Variants in KLF12 observed in about 807,000 individuals in gnomAD.
KLF12 encodes the protein Krueppel-like factor 12.
A neutral mutation model predicts 37.8 loss-of-function variants in KLF12; 9 were observed. The observed-to-expected ratio is 0.24, with a 90% CI of 0.14 to 0.42. The LOEUF (loss-of-function observed/expected upper bound fraction) is 0.42. Ranked by LOEUF, KLF12 falls within the 10% of genes least tolerant of loss-of-function variation. The pLI, the probability that KLF12 is intolerant of heterozygous loss-of-function variation, is 1.00. For synonymous variants in KLF12, 208 were observed against 202.1 expected (o/e 1.03, Z -0.25); for missense variants, 411 against 516.0 (o/e 0.80, Z 1.97).
intron 3 of KLF12, among the ~76,000 whole-genome samples, chr13:73,941,128 T>TATACATTCCAA (rs1293924164): frequency 6.6e-6 from 1 of 152,234 alleles, no homozygotes; most frequent in Non-Finnish European, 1.5e-5. Context: ...AAACTAGGTT[T>TATACATTCCAA]TTCAGAGTGA....
At chr13:73,939,505 T>TA (rs1249903697) in intron 3 of KLF12, among the ~76,000 whole-genome samples, 1 of 152,034 alleles carries the variant, frequency 6.6e-6, no homozygotes, top group African/African-American at 2.4e-5. Flanking sequence ...AAATTCAAAT[T>TA]AAAAAAAGAG....
At chr13:73,785,779 G>A (rs1404495865) in intron 5 of KLF12, among the ~76,000 whole-genome samples, 1 of 152,110 alleles carries the variant, frequency 6.6e-6, no homozygotes, top group African/African-American at 2.4e-5. Flanking sequence ...TCTAAAGGAG[G>A]TGGTTGGCAT....
At chr13:74,087,014 T>C (rs999249194) in intron 1 of KLF12, among the ~76,000 whole-genome samples, 2 of 151,678 alleles carry the variant, frequency 1.3e-5, no homozygotes, top group Non-Finnish European at 2.9e-5. Context: ...GTGGCAGAGG[T>C]GGAAATATAT....
At chr13:73,738,653 T>C (rs898685336) in intron 6 of KLF12, among the ~76,000 whole-genome samples, 1 of 152,152 alleles carries the variant, frequency 6.6e-6, no homozygotes, top group African/African-American at 2.4e-5. Flanking sequence ...ATAGAATCTA[T>C]GCATGCTGAG....
the KLF12 span, among the ~76,000 whole-genome samples, chr13:74,270,090 T>G: frequency 6.6e-6 from 1 of 152,186 alleles, no homozygotes; most frequent in Non-Finnish European, 1.5e-5. Context: ...TTGTATAACA[T>G]AAAACTTGGT....
At chr13:74,288,187 AC>A in the KLF12 span, among the ~76,000 whole-genome samples, 3 of 152,252 alleles carry the variant, frequency 2.0e-5, no homozygotes, top group Non-Finnish European at 4.4e-5. Flanking sequence ...TTTGAGAGTT[AC>A]CGCAAAAGAA....
At chr13:73,985,541 C>G (rs1296555808) in intron 2 of KLF12, among the ~76,000 whole-genome samples, 3 of 152,156 alleles carry the variant, frequency 2.0e-5, no homozygotes, top group Non-Finnish European at 2.9e-5. Context: ...GTCCCAAACC[C>G]CAGACTCTGT....
At chr13:74,273,247 T>G in the KLF12 span, among the ~76,000 whole-genome samples, 8 of 152,196 alleles carry the variant, frequency 5.3e-5, no homozygotes, top group South Asian at 2.1e-4. Context: ...TGAGGATATT[T>G]GAAGTTTATT....
chr13:74,086,570 T>A (rs1275750044), intron 1 of KLF12, among the ~76,000 whole-genome samples: 6 of 152,014 alleles, frequency 3.9e-5, no homozygotes, highest in African/African-American at 1.5e-4. Context: ...TGGGTAGGAG[T>A]TGATGATCAC....
chr13:73,886,850 G>A (rs1268848465), intron 3 of KLF12, among the ~76,000 whole-genome samples: 2 of 151,950 alleles, frequency 1.3e-5, no homozygotes, highest in Admixed American at 6.6e-5. Context: ...ACATTAGCTG[G>A]GCGTGGTGGC....
chr13:73,827,664 G>C (rs1883924851), intron 4 of KLF12, among the ~76,000 whole-genome samples: 1 of 152,202 alleles, frequency 6.6e-6, no homozygotes, highest in South Asian at 2.1e-4. Flanking sequence ...CCAGGTTCAA[G>C]TGATTCTCCT....
At chr13:73,877,410 T>C (rs2138921908) in intron 3 of KLF12, among the ~76,000 whole-genome samples, 1 of 152,350 alleles carries the variant, frequency 6.6e-6, no homozygotes, top group East Asian at 1.9e-4. Context: ...TTGGAATCTT[T>C]TAGCTGAATG....
At chr13:74,039,420 C>T (rs1046345008) in intron 1 of KLF12, among the ~76,000 whole-genome samples, 6 of 151,704 alleles carry the variant, frequency 4.0e-5, no homozygotes, top group Non-Finnish European at 8.8e-5. Flanking sequence ...GTAGTCCCAG[C>T]TACTTGGGAA....
intron 5 of KLF12, among the ~76,000 whole-genome samples, chr13:73,807,309 A>C (rs939121236): frequency 1.1e-3 from 47 of 42,818 alleles, no homozygotes; most frequent in African/African-American, 3.6e-3. Flanking sequence ...AATTCCATCT[A>C]AAAAAAAAAA....
chr13:73,694,107 G>A lies in KLF12; in HGVS notation c.*1383C>T, dbSNP rs1873973870. 1 of 152,522 alleles carries A rather than the reference G, an allele frequency of 6.6e-6. No homozygotes were observed. Among genetic ancestry groups the A allele is most frequent in the African/African-American group, 2.4e-5 (1 of 41,410 alleles). 9.4% of individuals were successfully genotyped at this position (152,522 alleles called of 1,614,324 possible). The stretch of plus-strand genomic sequence containing the variant: ...GAAATCGGTATAGAAGAACCTATTG[G>A]AGAGTCACTTATCCTTGGCTCTCCA... On this transcript the variant is annotated 3_prime_UTR_variant, in exon 8 of 8. Transcript: ENST00000377669.
intron 6 of KLF12, among the ~76,000 whole-genome samples, chr13:73,743,943 G>C (rs185922983): frequency 6.6e-6 from 1 of 152,276 alleles, no homozygotes; most frequent in Admixed American, 6.5e-5. Flanking sequence ...AGTCCAGGTA[G>C]AAGAAACTAA....
chr13:73,971,115 C>T (rs1158298061), intron 2 of KLF12, among the ~76,000 whole-genome samples: 1 of 152,122 alleles, frequency 6.6e-6, no homozygotes, highest in African/African-American at 2.4e-5. Context: ...GGACAAAAAA[C>T]TGTGCTAATT....
At chr13:74,255,893 C>T in the KLF12 span, among the ~76,000 whole-genome samples, 4 of 152,096 alleles carry the variant, frequency 2.6e-5, no homozygotes, top group South Asian at 2.1e-4. Context: ...CGGTGGCTCA[C>T]GCCTGTAATC....
chr13:73,945,938 G>C (rs1041730307), intron 2 of KLF12, among the ~76,000 whole-genome samples: 2 of 152,148 alleles, frequency 1.3e-5, no homozygotes, highest in African/African-American at 2.4e-5. Flanking sequence ...ATGGAGGCCT[G>C]TGGGTTGTTT....
Sources: gnomAD v4.1 joint callset for allele counts (sites outside exome capture counted in the v4.1 genomes callset) on GRCh38, gnomAD v4.1.1 for gene constraint, MANE v1.5 for transcripts, NCBI Gene and HGNC (gene_info 2026-07-23, HGNC 2026-07-21) for gene names.